Variants in SGSH observed in about 807,000 individuals in gnomAD.
The protein encoded by SGSH is N-sulfoglucosamine sulfohydrolase.
Under a neutral mutation model 51.0 loss-of-function variants are expected in SGSH, and 48 were observed. That is an observed-to-expected ratio of 0.94 (90% CI 0.75 to 1.20). The LOEUF is 1.20. Among genes scored for constraint, SGSH ranks in the 50% most tolerant of loss-of-function variants. The pLI is 0.00. For synonymous variants in SGSH, 321 were observed against 313.4 expected, an observed-to-expected ratio of 1.02 and a Z score of -0.26; for missense variants, 662 against 717.8, an observed-to-expected ratio of 0.92 and a Z score of 0.89.
chr17:80,204,233 T>C (rs752851391), downstream of SGSH: 1 of 1,588,938 alleles, frequency 6.3e-7, no homozygotes, highest in African/African-American at 1.3e-5. Flanking sequence ...TTAGCCATCT[T>C]CTGGGGGACC....
At chr17:80,218,209 C>T (rs1017922756) in intron 1 of SGSH, among the ~76,000 whole-genome samples, 9 of 152,244 alleles carry the variant, frequency 5.9e-5, no homozygotes, top group African/African-American at 9.6e-5. Flanking sequence ...TCGCCCAGGG[C>T]GCGTCTAAAG....
downstream of SGSH, chr17:80,205,513 G>A (rs950919924): frequency 1.6e-5 from 25 of 1,579,480 alleles, no homozygotes; most frequent in African/African-American, 5.4e-5. Flanking sequence ...TGATGGCCCC[G>A]TCCAATGTCA....
intron 5 of SGSH, 133 bp downstream of exon 5, chr17:80,214,039 T>C (rs1355180929): frequency 4.4e-6 from 6 of 1,363,784 alleles, no homozygotes; most frequent in Non-Finnish European, 6.1e-6. Context: ...GGCCCCGAGG[T>C]TGGGAACCTG....
At chr17:80,219,886 C>G in intron 1 of SGSH, 1 of 260,448 alleles carries the variant, frequency 3.8e-6, no homozygotes, top group South Asian at 1.4e-4. Context: ...GACCGGAGCA[C>G]CAGCCCCTCC....
At position 80,217,237 on chromosome 17, in the gene SGSH, C is replaced by T. The variant is rs9900509; in HGVS notation, c.89-45G>A. On this transcript the variant is annotated intron_variant, in intron 1 of 7. Transcript: ENST00000326317. ...GAGAGTGCACGGTCGGCTGCGGTCA[C>T]GAGAAACAGCACTGGGAGTGAGGGA... The T allele has an allele frequency of 0.05, 78,729 of 1,571,782 alleles. 4,575 individuals are homozygous for T. Among genetic ancestry groups the T allele is most frequent in the African/African-American group, 0.3 (22,163 of 74,738 alleles).
Position 80,210,188 on chromosome 17 carries a change from G to C in SGSH, c.*264C>G. On this transcript the variant is annotated 3_prime_UTR_variant, in exon 8 of 8. Transcript: ENST00000326317. Reference sequence around the variant, plus strand: ...TCTAGAATTCCCGTGCTGGGACATGGTTCAGACACAAGGACAACTGTGTCC... The same window carrying C: ...TCTAGAATTCCCGTGCTGGGACATGCTTCAGACACAAGGACAACTGTGTCC... 7.2e-7 allele frequency: 1 copy of C among 1,392,224 alleles called. No individual in the cohort carries two copies. Among genetic ancestry groups the C allele is most frequent in the Non-Finnish European group, 9.3e-7 (1 of 1,073,822 alleles). The allele number at this position is 1,392,224 out of a possible 1,614,324, so 86.2% of individuals were successfully genotyped here. A position where few individuals can be genotyped will look rare whatever the true frequency, so the allele number is the denominator to read the frequency against.
At chr17:80,206,441 C>A (rs1191822977), downstream of SGSH, among the ~76,000 whole-genome samples, 1 of 152,156 alleles carries the variant, frequency 6.6e-6, no homozygotes, top group Admixed American at 6.5e-5. Context: ...CAGTGAGACA[C>A]CCGTCTCTAC....
At chr17:80,207,138 C>T, downstream of SGSH, 1 of 1,337,612 alleles carries the variant, frequency 7.5e-7, no homozygotes, top group Non-Finnish European at 1.1e-6. Context: ...CCTGGGCTCC[C>T]CCAAAGCCCA....
rs1323733616 is a variant in SGSH, at chr17:80,210,246, G to C, written c.*206C>G. 2 of 1,425,438 alleles carry C rather than the reference G, an allele frequency of 1.4e-6. No homozygotes were observed. The highest frequency in any genetic ancestry group is 9.1e-7 in the Non-Finnish European group (1 of 1,093,932). The allele number at this position is 1,425,438 out of a possible 1,614,324, so 88.3% of individuals were successfully genotyped here. ...TGACGGCAGTGCCCCTGGTGGTGGA[G>C]GGGCTGGGCACATGCTCTGGTCACA... is the stretch of plus-strand genomic sequence containing the variant. On this transcript the variant is annotated 3_prime_UTR_variant, in exon 8 of 8. Coordinates refer to ENST00000326317, the MANE Select transcript of SGSH (RefSeq NM_000199.5).
rs2041821685 is a variant in SGSH, at chr17:80,214,717, T to A, written c.404A>T (p.Asp135Val). The A allele has an allele frequency of 6.2e-7, 1 of 1,612,998 alleles. No homozygotes were observed. The highest frequency in any genetic ancestry group is 8.5e-7 in the Non-Finnish European group (1 of 1,179,960). ...GCCATTCTCCTCCGTGTACGCAAAG[T>A]CAAACGGGTACACGGTCTCCGGCCC... is the stretch of plus-strand genomic sequence containing the variant. Reference protein sequence around the residue: ...HVGPETVYPFDFAYTEENGSV... With the variant: ...HVGPETVYPFVFAYTEENGSV... Residue 135 changes from aspartate (D) to valine (V), a missense_variant, in exon 4 of 8, where the codon GAC becomes GTC. Transcript: ENST00000326317.
At chr17:80,205,132 C>A, downstream of SGSH, 1 of 1,613,758 alleles carries the variant, frequency 6.2e-7, no homozygotes, top group East Asian at 2.2e-5. Flanking sequence ...CTGTGCTCCT[C>A]GTGCCCAGGG....
At chr17:80,205,044 C>T (rs748305221), downstream of SGSH, 15 of 1,596,436 alleles carry the variant, frequency 9.4e-6, no homozygotes, top group East Asian at 2.2e-5. Context: ...GGCTCCAGCA[C>T]GTGCTTCTGG....
Position 80,214,179 on chromosome 17 carries a change from T to C in SGSH, c.656A>G (p.Asp219Gly). Residue 219 changes from aspartate (D) to glycine (G), a missense_variant, in exon 5 of 8, where the codon GAC becomes GGC. Coordinates refer to ENST00000326317, the MANE Select transcript of SGSH (RefSeq NM_000199.5). ...CAGGAGGGGCCGTCCTACCAGCACG[T>C]CCAGTGGGTCGTAGGCCTGGGGGGT... is the stretch of plus-strand genomic sequence containing the variant. ...DWTPQAYDPLDVLVPYFVPNT... is the reference protein window; with the variant it reads ...DWTPQAYDPLGVLVPYFVPNT... 1 of 1,609,258 alleles carries C rather than the reference T, an allele frequency of 6.2e-7. No individual in the cohort carries two copies. Among genetic ancestry groups the C allele is most frequent in the South Asian group, 1.1e-5 (1 of 90,230 alleles).
At position 80,214,287 on chromosome 17, in the gene SGSH, C is replaced by T. The variant is rs1329133410; in HGVS notation, c.548G>A (p.Cys183Tyr). Residue 183 changes from cysteine to tyrosine, a missense_variant, in exon 5 of 8, where the codon TGT (cysteine) becomes TAT (tyrosine). Cys to Tyr is a radical substitution (Grantham distance 194). Transcript: ENST00000326317. ...TCCGTACTGGGGCTGGGAGTGCCCA[C>T]AGCGGTGGGGGTCGTGGAAGGCGAC... ...LYVAFHDPHR[C>Y]GHSQPQYGTF... 24 of 1,613,130 alleles carry T rather than the reference C, an allele frequency of 1.5e-5. No individual in the cohort carries two copies. Among genetic ancestry groups the T allele is most frequent in the Non-Finnish European group, 1.9e-5 (23 of 1,180,034 alleles).
In SGSH at chr17:80,213,534, T is replaced by C. The variant is rs1465185572; in HGVS notation, c.745+270A>G. ...AAACCCCCAAATCTGACCCAGGTCC[T>C]GTGACTGGAAATATCTGAAGTCTTC... On this transcript the variant is annotated intron_variant, in intron 6 of 7. Transcript: ENST00000326317. The surrounding 1 kb of genome is among the most constrained non-coding windows in gnomAD (Gnocchi z 4.6). The C allele has an allele frequency of 5.4e-6, 3 of 555,412 alleles. No individual in the cohort carries two copies. Among genetic ancestry groups the C allele is most frequent in the Non-Finnish European group, 9.7e-6 (3 of 310,774 alleles). 34.4% of individuals were successfully genotyped at this position (555,412 alleles called of 1,614,324 possible). A position where few individuals can be genotyped will look rare whatever the true frequency, so the allele number is the denominator to read the frequency against.
chr17:80,217,382 C>T (rs72853668), intron 1 of SGSH, among the ~76,000 whole-genome samples, 190 bp from the exon 2 acceptor site: 1 of 152,164 alleles, frequency 6.6e-6, no homozygotes, highest in East Asian at 1.9e-4. Flanking sequence ...AGGCATGACA[C>T]CCGAGTGGGT....
intron 2 of SGSH, among the ~76,000 whole-genome samples, chr17:80,216,190 G>A (rs368230758): frequency 4.6e-5 from 7 of 151,998 alleles, no homozygotes; most frequent in African/African-American, 7.3e-5. Flanking sequence ...TTAGACAGGC[G>A]TGGTGGCGCG....
At chr17:80,214,954 A>G (rs1442130780) in intron 3 of SGSH, 79 bp downstream of exon 3, 4 of 1,378,402 alleles carry the variant, frequency 2.9e-6, no homozygotes, top group Non-Finnish European at 4.0e-6. Context: ...GTGCCTTGGT[A>G]CAAGGTGCCG....
downstream of SGSH, chr17:80,205,431 A>G (rs2041244011): frequency 6.8e-7 from 1 of 1,469,260 alleles, no homozygotes. Context: ...AGCTTCTCCC[A>G]GTGCTGGCAG....
Sources: gnomAD v4.1 joint callset for allele counts (sites outside exome capture counted in the v4.1 genomes callset) on GRCh38, gnomAD v4.1.1 for gene constraint, Gnocchi (gnomAD v3.1) non-coding constraint, MANE v1.5 for transcripts, NCBI Gene and HGNC (gene_info 2026-07-23, HGNC 2026-07-21) for gene names.